NOS1AP: variants seen among roughly 807,000 people sequenced by gnomAD.
The protein encoded by NOS1AP is carboxyl-terminal PDZ ligand of neuronal nitric oxide synthase protein.
NOS1AP carries 21 observed loss-of-function variants against 56.2 expected under a neutral mutation model. The ratio of observed to expected loss-of-function variants is 0.37; its 90% CI spans 0.26 to 0.54. The LOEUF (loss-of-function observed/expected upper bound fraction) is 0.54, where lower values mean the gene tolerates loss of function less well. Ranked by LOEUF, NOS1AP falls within the 20% of genes least tolerant of loss-of-function variation. The pLI is 0.84. For synonymous variants in NOS1AP, 270 were observed against 274.6 expected (o/e 0.98, Z 0.17); for missense variants, 522 against 657.8 (o/e 0.79, Z 2.26).
At chr1:162,351,924 T>A (rs991992067) in intron 6 of NOS1AP, among the ~76,000 whole-genome samples, 6 of 152,204 alleles carry the variant, frequency 3.9e-5, no homozygotes, top group Non-Finnish European at 8.8e-5. Flanking sequence ...CAGGGGTTCC[T>A]AAGGGCCACC....
At chr1:162,260,674 A>G (rs1469355002) in intron 2 of NOS1AP, among the ~76,000 whole-genome samples, 5 of 152,198 alleles carry the variant, frequency 3.3e-5, no homozygotes, top group Admixed American at 2.6e-4. Context: ...GGTTGTCTGG[A>G]AAGGCTAAAC....
intron 5 of NOS1AP, among the ~76,000 whole-genome samples, chr1:162,341,847 C>A (rs1474720242): frequency 1.3e-5 from 2 of 152,216 alleles, no homozygotes; most frequent in Admixed American, 6.5e-5. Context: ...CTAAGCACAG[C>A]ACAGCTTGGT....
intron 2 of NOS1AP, among the ~76,000 whole-genome samples, chr1:162,232,679 G>T (rs1653160623): frequency 6.6e-6 from 1 of 152,024 alleles, no homozygotes; most frequent in Admixed American, 6.6e-5. Flanking sequence ...TGCTGGTTTG[G>T]CTTACCAAGG....
chr1:162,294,220 G>A (rs1200205295), intron 3 of NOS1AP, among the ~76,000 whole-genome samples: 2 of 148,972 alleles, frequency 1.3e-5, no homozygotes, highest in African/African-American at 2.5e-5. Context: ...AGGAAGGAAG[G>A]AAGGAAGAAA....
intron 8 of NOS1AP, 149 bp from the exon 9 acceptor site, chr1:162,365,255 A>C (rs746321446): frequency 3.9e-5 from 59 of 1,499,144 alleles, no homozygotes; most frequent in Non-Finnish European, 4.9e-5. Flanking sequence ...TGATAAGCCC[A>C]GATGCCCATG....
chr1:162,205,521 G>T (rs1177076147), intron 2 of NOS1AP, among the ~76,000 whole-genome samples: 1 of 152,160 alleles, frequency 6.6e-6, no homozygotes, highest in Admixed American at 6.5e-5. Context: ...TCTTGAAAAT[G>T]GGATTCAAAG....
intron 2 of NOS1AP, among the ~76,000 whole-genome samples, chr1:162,165,822 T>C (rs1199842116): frequency 6.6e-6 from 1 of 152,228 alleles, no homozygotes; most frequent in Non-Finnish European, 1.5e-5. Flanking sequence ...TATGAAACTC[T>C]TTTTGGAGGT....
chr1:162,364,472 T>G, intron 8 of NOS1AP: 1 of 985,438 alleles, frequency 1.0e-6, no homozygotes, highest in Non-Finnish European at 1.2e-6. Context: ...CCTGGTCTGG[T>G]TGCCCCTGTC....
chr1:162,286,455 G>A (rs1379739354), intron 2 of NOS1AP, among the ~76,000 whole-genome samples: 1 of 152,220 alleles, frequency 6.6e-6, no homozygotes, highest in Non-Finnish European at 1.5e-5. Flanking sequence ...GGAATCAGAT[G>A]AAAATGGTTT....
chr1:162,350,757 G>A (rs1657464698), intron 6 of NOS1AP, among the ~76,000 whole-genome samples: 1 of 152,062 alleles, frequency 6.6e-6, no homozygotes, highest in African/African-American at 2.4e-5. Context: ...TTAGAGTTCT[G>A]GCCTTATTCA....
chr1:162,195,195 A>T (rs1326811892), intron 2 of NOS1AP, among the ~76,000 whole-genome samples: 1 of 152,188 alleles, frequency 6.6e-6, no homozygotes, highest in Non-Finnish European at 1.5e-5. Context: ...CACATAGTAG[A>T]TATTCAATAA....
chr1:162,081,774 A>ATATATATTTTTTTTTT, intron 1 of NOS1AP, among the ~76,000 whole-genome samples: 2 of 44,058 alleles, frequency 4.5e-5, no homozygotes, highest in African/African-American at 7.6e-5. Flanking sequence ...ATATATATAT[A>ATATATATTTTTTTTTT]TTTTTTTTTT....
At chr1:162,205,088 G>T (rs934982084) in intron 2 of NOS1AP, among the ~76,000 whole-genome samples, 4 of 152,168 alleles carry the variant, frequency 2.6e-5, no homozygotes, top group Non-Finnish European at 4.4e-5. Flanking sequence ...TAATCAGTTG[G>T]TCCTGGAGAG....
chr1:162,201,134 C>G (rs1255447477), intron 2 of NOS1AP, among the ~76,000 whole-genome samples: 1 of 152,182 alleles, frequency 6.6e-6, no homozygotes, highest in Non-Finnish European at 1.5e-5. Flanking sequence ...ATTTAGCTCT[C>G]ACTTATAAGT....
At chr1:162,219,864 T>A (rs1652711266) in intron 2 of NOS1AP, among the ~76,000 whole-genome samples, 1 of 152,242 alleles carries the variant, frequency 6.6e-6, no homozygotes, top group African/African-American at 2.4e-5. Context: ...TTGTATCTGC[T>A]TGTATCCCCT....
At chr1:162,081,774 A>ATATTTT in intron 1 of NOS1AP, among the ~76,000 whole-genome samples, 1 of 44,058 alleles carries the variant, frequency 2.3e-5, no homozygotes, top group African/African-American at 7.7e-5. Context: ...ATATATATAT[A>ATATTTT]TTTTTTTTTT....
In NOS1AP at chr1:162,343,972, C is replaced by A. The variant is rs374753314; in HGVS notation, c.591C>A (p.Asp197Glu). 4.3e-6 allele frequency: 7 copies of A among 1,613,960 alleles called. No homozygotes were observed. In the African/African-American group the frequency reaches 9.3e-5, roughly 22 times the overall value. The part of the protein sequence containing the change: ...ESERNSNSSG[D>E]PGRQLTGAER... The stretch of plus-strand genomic sequence containing the variant: ...AGAGGAACAGCAACAGCTCAGGAGA[C>A]CCAGGTAGGCACTGCGGCTTCTGTG... The change falls in exon 6 of 10, where the codon GAC becomes GAA. Residue 197 changes from aspartate (D) to glutamate (E), a missense_variant. Asp to Glu is a conservative substitution (Grantham distance 45, BLOSUM62 2). This residue lies in a region of NOS1AP where 178 missense variants were observed against 165.0 expected (regional missense o/e 1.08). Coordinates refer to ENST00000361897, the MANE Select transcript of NOS1AP (RefSeq NM_014697.3).
At chr1:162,138,739 G>A (rs1219551757) in intron 1 of NOS1AP, among the ~76,000 whole-genome samples, 2 of 152,194 alleles carry the variant, frequency 1.3e-5, no homozygotes, top group Non-Finnish European at 2.9e-5. Flanking sequence ...GAGAGGTCAT[G>A]TGCTTAGCTG....
intron 1 of NOS1AP, among the ~76,000 whole-genome samples, chr1:162,088,209 G>A (rs778130410): frequency 1.3e-5 from 2 of 152,126 alleles, no homozygotes; most frequent in Non-Finnish European, 2.9e-5. Context: ...TTAAAAGCCG[G>A]CATTGTTGCT....
Sources: allele counts gnomAD v4.1 joint callset (sites outside exome capture counted in the v4.1 genomes callset), GRCh38; gene constraint gnomAD v4.1.1; regional missense constraint gnomAD v4.1.1; transcripts MANE v1.5; gene names NCBI Gene and HGNC (gene_info 2026-07-23, HGNC 2026-07-21).